TTC29: variants seen among roughly 807,000 people sequenced by gnomAD.
TTC29 encodes tetratricopeptide repeat protein 29.
TTC29 carries 49 observed loss-of-function variants against 58.1 expected under a neutral mutation model. The ratio of observed to expected loss-of-function variants is 0.84; its 90% confidence interval spans 0.67 to 1.07. TTC29 has a LOEUF of 1.07. Among genes scored for constraint, TTC29 ranks in the 50% least tolerant of loss-of-function variants. TTC29 has a pLI of 0.00. For missense variants in TTC29, 582 were observed against 555.6 expected (o/e 1.05, Z -0.48); for synonymous variants, 209 against 196.8 (o/e 1.06, Z -0.52).
chr4:146,898,135 G>A (rs1443378055), intron 6 of TTC29, among the ~76,000 whole-genome samples: 1 of 152,168 alleles, frequency 6.6e-6, no homozygotes, highest in Admixed American at 6.5e-5. Flanking sequence ...AATGGGTAGA[G>A]GAGATAATTA....
intron 11 of TTC29, among the ~76,000 whole-genome samples, chr4:146,776,830 T>G (rs1579647169): frequency 6.6e-6 from 1 of 152,188 alleles, no homozygotes; most frequent in Non-Finnish European, 1.5e-5. Flanking sequence ...ATTGTGGCAG[T>G]GGGGCACAGG....
chr4:146,707,730 T>G (rs1325901718), intron 11 of TTC29, among the ~76,000 whole-genome samples, 179 bp from the exon 12 acceptor site: 1 of 152,094 alleles, frequency 6.6e-6, no homozygotes, highest in Non-Finnish European at 1.5e-5. Flanking sequence ...TCTCTCCCAC[T>G]CCACATGTTC....
At chr4:146,913,097 A>G (rs1362720464) in intron 4 of TTC29, among the ~76,000 whole-genome samples, 2 of 152,142 alleles carry the variant, frequency 1.3e-5, no homozygotes, top group Non-Finnish European at 2.9e-5. Flanking sequence ...GGGGGGTGAC[A>G]TAGGAGGCCT....
intron 11 of TTC29, among the ~76,000 whole-genome samples, chr4:146,788,855 G>C (rs1579676206): frequency 1.3e-5 from 2 of 152,126 alleles, no homozygotes; most frequent in Non-Finnish European, 2.9e-5. Flanking sequence ...GGAAAGGAAA[G>C]CAGAGGAAAG....
At chr4:146,783,435 G>A (rs1348066209) in intron 11 of TTC29, among the ~76,000 whole-genome samples, 1 of 151,876 alleles carries the variant, frequency 6.6e-6, no homozygotes, top group East Asian at 1.9e-4. Flanking sequence ...GGGGTTAGGA[G>A]GAGGAAAATG....
intron 9 of TTC29, among the ~76,000 whole-genome samples, chr4:146,832,641 T>TTGTGTGTGTGTGTGTGTG (rs201136243): frequency 8.7e-5 from 13 of 149,294 alleles, no homozygotes; most frequent in South Asian, 4.3e-4. Context: ...CCAACTAATT[T>TTGTGTGTGTGTGTGTGTG]TGTGTGTGTG....
At chr4:146,803,749 G>C (rs1291663820) in intron 10 of TTC29, 64 bp from the exon 11 acceptor site, 8 of 1,350,442 alleles carry the variant, frequency 5.9e-6, no homozygotes, top group Non-Finnish European at 8.0e-6. Flanking sequence ...CATATTTTCT[G>C]ACCTTACCCT....
intron 8 of TTC29, among the ~76,000 whole-genome samples, chr4:146,856,218 A>G (rs1045817403): frequency 1.3e-5 from 2 of 152,204 alleles, no homozygotes; most frequent in Non-Finnish European, 2.9e-5. Flanking sequence ...CACAATGAGT[A>G]TCAGAAATTT....
intron 11 of TTC29, among the ~76,000 whole-genome samples, chr4:146,732,285 T>A (rs1019537423): frequency 2.6e-5 from 4 of 152,136 alleles, no homozygotes; most frequent in Non-Finnish European, 5.9e-5. Context: ...TATAATAATA[T>A]GTAAAGAGTA....
intron 11 of TTC29, among the ~76,000 whole-genome samples, chr4:146,787,140 C>CT (rs1749083299): frequency 6.6e-6 from 1 of 152,010 alleles, no homozygotes; most frequent in South Asian, 2.1e-4. Context: ...ATAAAATCTG[C>CT]TTTTGAGAGC....
Position 146,856,536 on chromosome 4 carries a change from AAAAT to A in TTC29, c.885+10958_885+10961del, listed in dbSNP as rs1579840428. Among the ~76,000 whole-genome samples the A allele has an allele frequency of 2.0e-5, 3 of 151,992 alleles. No individual in the cohort carries two copies. In the East Asian group the frequency reaches 5.8e-4, roughly 29 times the overall value. On this transcript the variant is annotated intron_variant, in intron 8 of 12. Transcript: ENST00000325106. ...TTATTACCAAACAGATTTGTTTCAA[AAAAT>A]AAATATTTTAATTTTTTTGAGCTTT...
intron 11 of TTC29, among the ~76,000 whole-genome samples, chr4:146,773,289 T>G (rs1264985686): frequency 1.3e-5 from 2 of 152,150 alleles, no homozygotes; most frequent in Non-Finnish European, 2.9e-5. Context: ...CATCCTTGTC[T>G]TGTTCTGGTT....
At position 146,874,866 on chromosome 4, in the gene TTC29, A is replaced by G; in HGVS notation, c.649T>C (p.Trp217Arg). The G allele has an allele frequency of 6.2e-7, 1 of 1,613,522 alleles. No homozygotes were observed. Residue 217 changes from tryptophan to arginine, a missense_variant, in exon 7 of 13, where the codon TGG (tryptophan) becomes CGG (arginine). Physicochemically the swap from Trp to Arg is moderately radical, Grantham distance 101 (BLOSUM62 -3). Transcript: ENST00000325106. The part of the protein sequence containing the change: ...AFHQLTQGRI[W>R]KDETGRSLNL... Reference sequence around the variant, plus strand: ...AGAGAGCGGCCTGTCTCATCCTTCCATATCCGCCCCTGTGTCAATTGATGG... The same window carrying G: ...AGAGAGCGGCCTGTCTCATCCTTCCGTATCCGCCCCTGTGTCAATTGATGG...
intron 11 of TTC29, among the ~76,000 whole-genome samples, chr4:146,770,322 A>G (rs1477982695): frequency 6.6e-6 from 1 of 151,896 alleles, no homozygotes; most frequent in East Asian, 1.9e-4. Flanking sequence ...TTCTCAAAAA[A>G]AGCCTTCTGG....
intron 11 of TTC29, among the ~76,000 whole-genome samples, chr4:146,728,473 A>G (rs1743955814): frequency 1.3e-5 from 2 of 151,538 alleles, no homozygotes; most frequent in African/African-American, 2.4e-5. Flanking sequence ...CAAGATAATC[A>G]TATGGTACAC....
At chr4:146,846,327 T>G (rs1344763549) in intron 8 of TTC29, among the ~76,000 whole-genome samples, 1 of 152,146 alleles carries the variant, frequency 6.6e-6, no homozygotes, top group Admixed American at 6.5e-5. Context: ...TTTCCCCCAT[T>G]ACGAACCCAA....
chr4:146,903,331 A>T (rs2150271456), intron 6 of TTC29, among the ~76,000 whole-genome samples: 1 of 152,268 alleles, frequency 6.6e-6, no homozygotes, highest in East Asian at 1.9e-4. Flanking sequence ...GCACTCAGGC[A>T]GAAGCATGAG....
intron 11 of TTC29, among the ~76,000 whole-genome samples, chr4:146,775,233 T>A (rs1474044632): frequency 6.6e-6 from 1 of 152,196 alleles, no homozygotes; most frequent in African/African-American, 2.4e-5. Flanking sequence ...CCTGAGAAAT[T>A]TATCCTGTTT....
At chr4:146,805,458 C>T (rs1750532801) in intron 10 of TTC29, among the ~76,000 whole-genome samples, 2 of 152,032 alleles carry the variant, frequency 1.3e-5, no homozygotes, top group African/African-American at 4.8e-5. Flanking sequence ...GGACCATGTT[C>T]TAACCCAATT....
Sources: allele counts gnomAD v4.1 joint callset (sites outside exome capture counted in the v4.1 genomes callset), GRCh38; gene constraint gnomAD v4.1.1; transcripts MANE v1.5; gene names NCBI Gene and HGNC (gene_info 2026-07-23, HGNC 2026-07-21).